The following ZBTB7C variants were observed in gnomAD, a reference collection of about 807,000 sequenced individuals.
The protein encoded by ZBTB7C is zinc finger and BTB domain containing 7C, also known as zinc finger and BTB domain-containing protein 7C.
ZBTB7C carries 8 observed loss-of-function variants against 25.7 expected under a neutral mutation model. That is an observed-to-expected ratio of 0.31 (90% confidence interval 0.18 to 0.56). The LOEUF (loss-of-function observed/expected upper bound fraction) is 0.56. ZBTB7C is among the 20% of genes least tolerant of loss of function. The pLI is 0.91. For synonymous variants in ZBTB7C, 394 were observed against 369.0 expected (o/e 1.07, Z -0.78); for missense variants, 824 against 855.2 (o/e 0.96, Z 0.46).
intron 2 of ZBTB7C, among the ~76,000 whole-genome samples, chr18:48,198,356 C>T (rs184586719): frequency 1.8e-3 from 281 of 152,310 alleles, no homozygotes; most frequent in African/African-American, 6.6e-3. Flanking sequence ...GCATCAGTTT[C>T]GAGTGCTGCT....
intron 2 of ZBTB7C, among the ~76,000 whole-genome samples, chr18:48,240,291 A>C (rs144219693): frequency 3.5e-4 from 54 of 152,342 alleles, no homozygotes; most frequent in African/African-American, 1.3e-3. Flanking sequence ...TATTTGAAGG[A>C]ATAATCAAGT....
intron 2 of ZBTB7C, among the ~76,000 whole-genome samples, chr18:48,202,741 G>A (rs2042484747): frequency 6.6e-6 from 1 of 152,000 alleles, no homozygotes; most frequent in Admixed American, 6.5e-5. Context: ...GTTGACACTG[G>A]CACAGCCTGA....
intron 3 of ZBTB7C, chr18:48,148,195 GATGGGGTTTTACT>G (rs1271604263): frequency 2.1e-5 from 3 of 145,242 alleles, no homozygotes; most frequent in African/African-American, 7.8e-5. Context: ...TTTCAGTAGA[GATGGGGTTTTACT>G]ATGCTAGCCA....
chr18:48,217,615 C>A (rs1425818979), intron 2 of ZBTB7C, among the ~76,000 whole-genome samples: 1 of 152,108 alleles, frequency 6.6e-6, no homozygotes, highest in Non-Finnish European at 1.5e-5. Context: ...ATCTTCTTAT[C>A]CACCTGAAAA....
chr18:48,190,646 T>C (rs1234905669), intron 2 of ZBTB7C, among the ~76,000 whole-genome samples: 2 of 152,184 alleles, frequency 1.3e-5, no homozygotes, highest in Non-Finnish European at 2.9e-5. Context: ...ACAGGATGGT[T>C]TGGGGACAGT....
At chr18:48,270,273 T>C (rs1199251314) in intron 2 of ZBTB7C, among the ~76,000 whole-genome samples, 7 of 146,094 alleles carry the variant, frequency 4.8e-5, no homozygotes, top group Non-Finnish European at 7.5e-5. Flanking sequence ...TTTTTTTTTT[T>C]TTTGAGATGG....
At chr18:48,162,007 C>G (rs1222589538) in intron 3 of ZBTB7C, among the ~76,000 whole-genome samples, 1 of 152,084 alleles carries the variant, frequency 6.6e-6, no homozygotes, top group African/African-American at 2.4e-5. Context: ...CCTGAGAGGC[C>G]GGCGCCTGCC....
At chr18:48,346,107 C>CGT (rs112321019) in intron 1 of ZBTB7C, among the ~76,000 whole-genome samples, 5,001 of 152,292 alleles carry the variant, frequency 0.033, 149 homozygotes, top group African/African-American at 0.077. Context: ...TTAATGTTTA[C>CGT]ATGCTTCTCT....
intron 3 of ZBTB7C, among the ~76,000 whole-genome samples, chr18:48,062,298 G>A (rs893148600): frequency 2.6e-5 from 4 of 152,196 alleles, no homozygotes; most frequent in African/African-American, 4.8e-5. Flanking sequence ...CCCAGAAGGG[G>A]AGAGGAGAGC....
At chr18:48,221,612 C>CAGTCTCCTCTATACTGTCCT (rs2042960203) in intron 2 of ZBTB7C, among the ~76,000 whole-genome samples, 4 of 146,836 alleles carry the variant, frequency 2.7e-5, no homozygotes, top group Admixed American at 6.7e-5. Context: ...TATACTGTCC[C>CAGTCTCCTCTATACTGTCCT]AGTCTCCTCT....
rs1383582335 is a variant in ZBTB7C, at chr18:48,026,724, A to G, written c.*2536T>C. ...AAAACACTGTCCTTTAAAGTATAAAATAAGGGTCAAAGGTTTTTTTTTTTT... is the reference window on the plus strand; with the variant it reads ...AAAACACTGTCCTTTAAAGTATAAAGTAAGGGTCAAAGGTTTTTTTTTTTT... On this transcript the variant is annotated 3_prime_UTR_variant, in exon 5 of 5. Coordinates refer to ENST00000590800, the MANE Select transcript of ZBTB7C (RefSeq NM_001318841.2). 3.4e-5 allele frequency: 5 copies of G among 148,602 alleles called. No homozygotes were observed. In the East Asian group the frequency reaches 9.9e-4, roughly 29 times the overall value. 9.2% of individuals were successfully genotyped at this position (148,602 alleles called of 1,614,324 possible).
In ZBTB7C at chr18:48,029,629, G is replaced by A; in HGVS notation, c.1491C>T (p.Gly497=). The part of the protein sequence containing the change: ...RAASLLFGPG[G]PAPDKAAFVM... ...CGAAGGCCGCCTTGTCGGGGGCCGG[G>A]CCGCCGGGCCCGAAGAGCAGGCTGG... The change falls in exon 5 of 5, where the codon GGC becomes GGT. Residue 497 remains glycine, a synonymous_variant. Transcript: ENST00000590800. 1 of 1,503,936 alleles carries A rather than the reference G, an allele frequency of 6.6e-7. No homozygotes were observed. Among genetic ancestry groups the A allele is most frequent in the Non-Finnish European group, 8.8e-7 (1 of 1,136,406 alleles). The allele number at this position is 1,503,936 out of a possible 1,614,324, so 93.2% of individuals were successfully genotyped here. A position where few individuals can be genotyped will look rare whatever the true frequency, so the allele number is the denominator to read the frequency against.
intron 3 of ZBTB7C, among the ~76,000 whole-genome samples, chr18:48,173,444 G>A (rs113948537): frequency 5.9e-5 from 9 of 152,152 alleles, no homozygotes; most frequent in African/African-American, 1.2e-4. Flanking sequence ...TTCTAGCACC[G>A]CACCACTCCT....
At chr18:48,238,724 C>T (rs543880905) in intron 2 of ZBTB7C, among the ~76,000 whole-genome samples, 2 of 152,308 alleles carry the variant, frequency 1.3e-5, no homozygotes, top group East Asian at 3.9e-4. Flanking sequence ...GAGAAGGAAA[C>T]TTCCAGCTGA....
chr18:48,242,937 T>C (rs1301589121), intron 2 of ZBTB7C, among the ~76,000 whole-genome samples: 2 of 152,062 alleles, frequency 1.3e-5, no homozygotes, highest in Non-Finnish European at 2.9e-5. Context: ...TATGATCCTA[T>C]AACTAGAAAA....
chr18:48,247,104 G>A (rs1008719072), intron 2 of ZBTB7C, among the ~76,000 whole-genome samples: 5 of 152,158 alleles, frequency 3.3e-5, no homozygotes, highest in Admixed American at 1.3e-4. Context: ...GTGCATACTT[G>A]ACAGGTATTT....
intron 3 of ZBTB7C, among the ~76,000 whole-genome samples, chr18:48,126,737 G>A (rs987600387): frequency 6.6e-6 from 1 of 152,182 alleles, no homozygotes; most frequent in African/African-American, 2.4e-5. Flanking sequence ...TGAGTTTGTG[G>A]AGTTCTTCAA....
chr18:48,041,548 GA>G (rs2036241225), intron 3 of ZBTB7C: 1 of 985,250 alleles, frequency 1.0e-6, no homozygotes, highest in South Asian at 4.7e-5. Flanking sequence ...CTGCTGAGAA[GA>G]TGCTCTGATT....
chr18:48,057,564 G>A (rs2036967047), intron 3 of ZBTB7C, among the ~76,000 whole-genome samples: 1 of 152,170 alleles, frequency 6.6e-6, no homozygotes, highest in South Asian at 2.1e-4. Context: ...GAGGTTGGAA[G>A]GCTGCCAGTG....
Sources: allele counts gnomAD v4.1 joint callset (sites outside exome capture counted in the v4.1 genomes callset), GRCh38; gene constraint gnomAD v4.1.1; transcripts MANE v1.5; gene names NCBI Gene and HGNC (gene_info 2026-07-23, HGNC 2026-07-21).